Variants in PRR16 observed in about 807,000 individuals in gnomAD.
PRR16 encodes the protein proline rich 16.
A neutral mutation model predicts 18.2 loss-of-function variants in PRR16; 6 were observed. That is an observed-to-expected ratio of 0.33 (90% CI 0.18 to 0.65). The LOEUF (loss-of-function observed/expected upper bound fraction) is 0.65, where lower values mean the gene tolerates loss of function less well. Ranked by LOEUF, PRR16 falls within the 30% of genes least tolerant of loss-of-function variation. The pLI is 0.74. For synonymous variants in PRR16, 151 were observed against 147.8 expected (o/e 1.02, Z -0.16); for missense variants, 412 against 376.6 (o/e 1.09, Z -0.78).
the PRR16 span, among the ~76,000 whole-genome samples, chr5:120,734,328 T>C: frequency 6.6e-6 from 1 of 152,000 alleles, no homozygotes; most frequent in African/African-American, 2.4e-5. Context: ...CACACTCCTC[T>C]CTCTCTCTCT....
intron 1 of PRR16, among the ~76,000 whole-genome samples, chr5:120,509,706 A>G (rs1750759821): frequency 6.6e-6 from 1 of 152,120 alleles, no homozygotes; most frequent in Admixed American, 6.6e-5. Context: ...TTTACCCTAT[A>G]GTATTTGAAT....
At chr5:120,590,290 T>G (rs1444331344) in intron 1 of PRR16, among the ~76,000 whole-genome samples, 1 of 152,128 alleles carries the variant, frequency 6.6e-6, no homozygotes. Flanking sequence ...AATTTTTGCC[T>G]GTCTTGTTGA....
chr5:120,587,238 G>A (rs1254371944), intron 1 of PRR16, among the ~76,000 whole-genome samples: 1 of 152,152 alleles, frequency 6.6e-6, no homozygotes, highest in Non-Finnish European at 1.5e-5. Context: ...ACATAAAAGT[G>A]CAATATAAAG....
At chr5:120,597,377 G>GT (rs1352495818) in intron 1 of PRR16, among the ~76,000 whole-genome samples, 5 of 151,264 alleles carry the variant, frequency 3.3e-5, no homozygotes, top group African/African-American at 9.7e-5. Flanking sequence ...ATTTTCCTGT[G>GT]TTTTTTCTAA....
chr5:120,532,963 C>G (rs756633760), intron 1 of PRR16, among the ~76,000 whole-genome samples: 1 of 152,112 alleles, frequency 6.6e-6, no homozygotes, highest in Non-Finnish European at 1.5e-5. Context: ...GTTTCTGGGT[C>G]GTTCTGTCTC....
chr5:120,474,598 A>T (rs116731809), intron 1 of PRR16, among the ~76,000 whole-genome samples: 2,087 of 103,812 alleles, frequency 0.02, 38 homozygotes, highest in African/African-American at 0.074. Flanking sequence ...TCTTTTTTTT[A>T]AAAAAAAAAC....
the PRR16 span, among the ~76,000 whole-genome samples, chr5:120,745,591 T>C: frequency 0.98 from 148,807 of 152,158 alleles, 72,859 homozygotes; most frequent in East Asian, 1. Flanking sequence ...TCTCTGGGTA[T>C]CAGATTTTGA....
chr5:120,688,700 C>T (rs535810248), downstream of PRR16, among the ~76,000 whole-genome samples: 1 of 152,256 alleles, frequency 6.6e-6, no homozygotes, highest in South Asian at 2.1e-4. Context: ...TTACTGTGAC[C>T]TAATAATCAC....
intron 1 of PRR16, among the ~76,000 whole-genome samples, chr5:120,488,930 G>A (rs939055914): frequency 2.6e-5 from 4 of 152,130 alleles, no homozygotes; most frequent in African/African-American, 4.8e-5. Context: ...TTCAGGAGCA[G>A]GTTGTTCAGT....
the PRR16 span, among the ~76,000 whole-genome samples, chr5:120,750,455 T>C: frequency 6.6e-6 from 1 of 151,956 alleles, no homozygotes; most frequent in Admixed American, 6.6e-5. Context: ...GGTCAGGAGT[T>C]CGAGACCAGC....
chr5:120,707,046 G>C, the PRR16 span, among the ~76,000 whole-genome samples: 11 of 152,134 alleles, frequency 7.2e-5, no homozygotes, highest in Non-Finnish European at 1.3e-4. Context: ...TGTAAAACTG[G>C]AAAGAGGCTG....
chr5:120,572,933 T>C (rs1752953093), intron 1 of PRR16, among the ~76,000 whole-genome samples: 1 of 152,148 alleles, frequency 6.6e-6, no homozygotes, highest in South Asian at 2.1e-4. Context: ...GTAGATATTG[T>C]GTTTGAGCCA....
chr5:120,631,440 G>A (rs1402926454), intron 1 of PRR16, among the ~76,000 whole-genome samples: 1 of 152,116 alleles, frequency 6.6e-6, no homozygotes, highest in Non-Finnish European at 1.5e-5. Flanking sequence ...TCTGGGATGA[G>A]TTCTCAGCCC....
At chr5:120,530,670 C>T (rs989953996) in intron 1 of PRR16, among the ~76,000 whole-genome samples, 1 of 152,010 alleles carries the variant, frequency 6.6e-6, no homozygotes, top group Non-Finnish European at 1.5e-5. Context: ...TGTAACTGAG[C>T]AGCATTTGAT....
intron 1 of PRR16, among the ~76,000 whole-genome samples, chr5:120,677,905 C>CTTTTTTTTTTTTTTT (rs386404833): frequency 3.2e-5 from 3 of 93,216 alleles, no homozygotes; most frequent in Non-Finnish European, 5.8e-5. Flanking sequence ...CTTTTTCTTT[C>CTTTTTTTTTTTTTTT]TTTTTTTTTT....
chr5:120,725,407 G>A, the PRR16 span, among the ~76,000 whole-genome samples: 4 of 150,570 alleles, frequency 2.7e-5, no homozygotes, highest in African/African-American at 9.8e-5. Flanking sequence ...TGTAATCCCA[G>A]TGCTTTGCGA....
intron 1 of PRR16, among the ~76,000 whole-genome samples, chr5:120,554,209 G>A (rs1344636006): frequency 6.6e-6 from 1 of 151,808 alleles, no homozygotes; most frequent in Admixed American, 6.6e-5. Context: ...GAGGATATTT[G>A]CCAATATACT....
chr5:120,696,323 A>T, the PRR16 span, among the ~76,000 whole-genome samples: 2 of 152,064 alleles, frequency 1.3e-5, no homozygotes, highest in East Asian at 3.8e-4. Context: ...AATATATATA[A>T]AAAAATTAGT....
intron 1 of PRR16, among the ~76,000 whole-genome samples, chr5:120,627,142 G>T (rs1754893682): frequency 6.6e-6 from 1 of 151,952 alleles, no homozygotes. Context: ...ATATATGCAG[G>T]GCATTCATTT....
Sources: gnomAD v4.1 joint callset for allele counts (sites outside exome capture counted in the v4.1 genomes callset) on GRCh38, gnomAD v4.1.1 for gene constraint, MANE v1.5 for transcripts, NCBI Gene and HGNC (gene_info 2026-07-23, HGNC 2026-07-21) for gene names.